TENM2: variants seen among roughly 807,000 people sequenced by gnomAD.
TENM2 encodes teneurin transmembrane protein 2.
A neutral mutation model predicts 245.2 loss-of-function variants in TENM2; 52 were observed. The ratio of observed to expected loss-of-function variants is 0.21; its 90% CI spans 0.17 to 0.27. The LOEUF (loss-of-function observed/expected upper bound fraction) is 0.27. Ranked by LOEUF, TENM2 falls within the 10% of genes least tolerant of loss-of-function variation. The pLI is 1.00. For synonymous variants in TENM2, 1,363 were observed against 1,438.9 expected, an observed-to-expected ratio of 0.95 and a Z score of 1.19; for missense variants, 3,046 against 3,666.8, an observed-to-expected ratio of 0.83 and a Z score of 4.37.
intron 19 of TENM2, among the ~76,000 whole-genome samples, chr5:168,207,430 G>A (rs571833680): frequency 7.9e-5 from 12 of 152,266 alleles, no homozygotes; most frequent in Non-Finnish European, 1.3e-4. Flanking sequence ...AGCTTGAGGC[G>A]GAATGTGGCT....
the TENM2 span, among the ~76,000 whole-genome samples, chr5:167,050,882 A>G: frequency 2.0e-5 from 3 of 152,206 alleles, no homozygotes; most frequent in East Asian, 5.8e-4. Context: ...GGGATCCTGA[A>G]CCTAATGTAT....
At chr5:168,210,871 T>C (rs569079293) in intron 19 of TENM2, among the ~76,000 whole-genome samples, 2 of 152,332 alleles carry the variant, frequency 1.3e-5, no homozygotes, top group Non-Finnish European at 2.9e-5. Context: ...GACCTTGGCA[T>C]CTTCTCGTCT....
chr5:167,084,364 T>TATATATATATATATATATATAC, the TENM2 span, among the ~76,000 whole-genome samples: 3 of 111,152 alleles, frequency 2.7e-5, no homozygotes, highest in Non-Finnish European at 4.0e-5. Flanking sequence ...TATATATATA[T>TATATATATATATATATATATAC]ATACAGATCA....
chr5:167,812,692 C>T (rs1338286360), intron 2 of TENM2, among the ~76,000 whole-genome samples: 3 of 150,298 alleles, frequency 2.0e-5, no homozygotes, highest in Admixed American at 6.6e-5. Context: ...GTAACTCCTT[C>T]TTCTCCAGGC....
intron 2 of TENM2, among the ~76,000 whole-genome samples, chr5:167,663,163 AGAGAGAG>A: frequency 6.6e-6 from 1 of 150,538 alleles, no homozygotes; most frequent in African/African-American, 2.4e-5. Flanking sequence ...AGAGAGAGAG[AGAGAGAG>A]AGAGAGAGAG....
At chr5:167,305,113 C>A (rs945033392) in intron 1 of TENM2, among the ~76,000 whole-genome samples, 1 of 152,134 alleles carries the variant, frequency 6.6e-6, no homozygotes, top group Admixed American at 6.5e-5. Flanking sequence ...TCCCCCTGTG[C>A]GATTTCTGTC....
chr5:167,500,490 AAAAT>A (rs1172290185), intron 2 of TENM2, among the ~76,000 whole-genome samples: 2 of 152,170 alleles, frequency 1.3e-5, no homozygotes, highest in African/African-American at 4.8e-5. Context: ...AATTTTTAAA[AAAAT>A]AAAAAGAAAT....
intron 2 of TENM2, among the ~76,000 whole-genome samples, chr5:167,872,757 T>C (rs1176747447): frequency 6.6e-6 from 1 of 152,226 alleles, no homozygotes; most frequent in Non-Finnish European, 1.5e-5. Context: ...GTAACCCCAA[T>C]GCTTTCATTG....
chr5:167,894,942 GA>G (rs1775061897), intron 3 of TENM2, among the ~76,000 whole-genome samples: 1 of 101,784 alleles, frequency 9.8e-6, no homozygotes, highest in Non-Finnish European at 2.0e-5. Context: ...AGGAAGGAAG[GA>G]AGGAAGGAAG....
rs892136388 is a variant in TENM2, at chr5:167,734,121, G to A, written c.503-141865G>A. 2.6e-5 allele frequency among the ~76,000 whole-genome samples: 4 copies of A among 152,158 alleles called. 1 individual carries two copies. The South Asian group carries it at 8.3e-4, about 32-fold the overall frequency. On this transcript the variant is annotated intron_variant, in intron 2 of 28. Transcript: ENST00000518659. ...ATTTTCTGTAATTTAGGAAATATTT[G>A]TGGGAAACAAATTACTGTACCAAAT...
At chr5:167,726,123 G>A (rs1464940597) in intron 2 of TENM2, among the ~76,000 whole-genome samples, 1 of 148,250 alleles carries the variant, frequency 6.7e-6, no homozygotes, top group Non-Finnish European at 1.5e-5. Flanking sequence ...CCAGTGCTGG[G>A]CACGCTGCAC....
At chr5:167,873,962 A>T (rs546327224) in intron 2 of TENM2, among the ~76,000 whole-genome samples, 2 of 152,194 alleles carry the variant, frequency 1.3e-5, no homozygotes, top group East Asian at 3.9e-4. Context: ...CTCATCTCCT[A>T]TCTCTGCCAC....
chr5:167,082,487 A>G, the TENM2 span, among the ~76,000 whole-genome samples: 1 of 152,030 alleles, frequency 6.6e-6, no homozygotes, highest in African/African-American at 2.4e-5. Context: ...GGGTTTCACC[A>G]TGTTAGCCAG....
upstream of TENM2, chr5:167,284,659 C>T (rs1165998292): frequency 2.2e-5 from 13 of 602,634 alleles, no homozygotes; most frequent in East Asian, 8.3e-5. Context: ...GCAGGGCTGA[C>T]CAAGGCTGCA....
chr5:167,442,647 G>T (rs965669040), intron 2 of TENM2, among the ~76,000 whole-genome samples: 2 of 151,964 alleles, frequency 1.3e-5, no homozygotes, highest in African/African-American at 4.8e-5. Flanking sequence ...ATAAAGTGGG[G>T]AAATTAACTT....
At chr5:167,177,179 A>G in the TENM2 span, among the ~76,000 whole-genome samples, 1 of 152,162 alleles carries the variant, frequency 6.6e-6, no homozygotes, top group South Asian at 2.1e-4. Context: ...CCAGTTTTTC[A>G]CCTGACAGCC....
chr5:167,780,328 A>G (rs1407372218), intron 2 of TENM2, among the ~76,000 whole-genome samples: 1 of 152,220 alleles, frequency 6.6e-6, no homozygotes, highest in East Asian at 1.9e-4. Context: ...ATTTGCAGGC[A>G]TGCACAGAGC....
At chr5:168,059,341 G>A (rs991051308) in intron 6 of TENM2, among the ~76,000 whole-genome samples, 3 of 152,156 alleles carry the variant, frequency 2.0e-5, no homozygotes, top group African/African-American at 4.8e-5. Flanking sequence ...TAGAACACTC[G>A]TGGGTGCTGA....
chr5:167,416,836 TA>T (rs1381821888), intron 2 of TENM2, among the ~76,000 whole-genome samples: 1 of 152,210 alleles, frequency 6.6e-6, no homozygotes, highest in East Asian at 1.9e-4. Flanking sequence ...TGTCTATAGA[TA>T]TTTTCTGTGT....
Sources: gnomAD v4.1 joint callset for allele counts (sites outside exome capture counted in the v4.1 genomes callset) on GRCh38, gnomAD v4.1.1 for gene constraint, MANE v1.5 for transcripts, NCBI Gene and HGNC (gene_info 2026-07-23, HGNC 2026-07-21) for gene names.